Variants in COL27A1 observed in about 807,000 individuals in gnomAD.
COL27A1 encodes collagen alpha-1(XXVII) chain.
In COL27A1, 106 loss-of-function variants were observed where a neutral mutation model predicts 251.3. That is an observed-to-expected ratio of 0.42 (90% confidence interval 0.36 to 0.50). The LOEUF (loss-of-function observed/expected upper bound fraction) is 0.50, where lower values mean the gene tolerates loss of function less well. Ranked by LOEUF, COL27A1 falls within the 20% of genes least tolerant of loss-of-function variation. The pLI is 0.00. For synonymous variants in COL27A1, 1,000 were observed against 986.3 expected (o/e 1.01, Z -0.26); for missense variants, 2,325 against 2,522.8 (o/e 0.92, Z 1.68).
intron 3 of COL27A1, among the ~76,000 whole-genome samples, chr9:114,173,733 A>G (rs1349568698): frequency 3.9e-5 from 6 of 151,962 alleles, no homozygotes; most frequent in African/African-American, 1.5e-4. Context: ...AGCACATATG[A>G]AACCTGGGTC....
chr9:114,266,479 G>A (rs962315055), intron 32 of COL27A1, 86 bp from the exon 33 acceptor site: 4 of 1,164,558 alleles, frequency 3.4e-6, no homozygotes, highest in Admixed American at 1.9e-5. Context: ...AGTTCTGGGG[G>A]TCAGCTCCCT....
rs565202467 is a variant in COL27A1 at position 114,257,799 on chromosome 9, T to G, written c.3142-742T>G. ...CTGGGAGAAAATATTCAGGAAAATA[T>G]TGGGTGTCAGGGTGGAGGTGAGGGA... On this transcript the variant is annotated intron_variant, in intron 27 of 60. Coordinates refer to ENST00000356083, the MANE Select transcript of COL27A1 (RefSeq NM_032888.4). 8.9e-4 allele frequency among the ~76,000 whole-genome samples: 135 copies of G among 152,234 alleles called. 1 individual carries two copies. Among genetic ancestry groups the G allele is most frequent in the African/African-American group, 3.2e-3 (131 of 41,534 alleles).
chr9:114,214,707 C>T lies in COL27A1; in HGVS notation c.2367+3681C>T, dbSNP rs979492827. Reference sequence around the variant, plus strand: ...GGTACTCTCCACATGGCTCCCTCTTCTCTCTGCTCCCATCTTCAACCTCCA... The same window carrying T: ...GGTACTCTCCACATGGCTCCCTCTTTTCTCTGCTCCCATCTTCAACCTCCA... On this transcript the variant is annotated intron_variant, in intron 12 of 60. Transcript: ENST00000356083. Among the ~76,000 whole-genome samples, 299 of 152,382 alleles carry T rather than the reference C, an allele frequency of 2.0e-3. 4 individuals are homozygous for T. Among genetic ancestry groups the T allele is most frequent in the Non-Finnish European group, 2.8e-4 (19 of 68,044 alleles).
At chr9:114,259,492 T>C (rs554130036) in intron 28 of COL27A1, among the ~76,000 whole-genome samples, 53 of 152,290 alleles carry the variant, frequency 3.5e-4, no homozygotes, top group African/African-American at 1.2e-3. Context: ...TTAACCTTTC[T>C]CCCAGAAAGC....
chr9:114,270,429 C>T (rs1184362581), intron 35 of COL27A1, among the ~76,000 whole-genome samples: 1 of 152,222 alleles, frequency 6.6e-6, no homozygotes, highest in Non-Finnish European at 1.5e-5. Flanking sequence ...CAAGCACCTT[C>T]TAAATTCGTG....
In COL27A1 at chr9:114,167,884, A is replaced by T. The variant is rs1401578314; in HGVS notation, c.329A>T (p.Asn110Ile). 3 of 1,613,180 alleles carry T rather than the reference A, an allele frequency of 1.9e-6. No homozygotes were observed. The African/African-American group carries it at 4.0e-5, about 22-fold the overall frequency. ...LVLSLCSHRV[N>I]HAFLFAVRSQ... is the part of the protein sequence containing the mutation. Reference sequence around the variant, plus strand: ...CTGAGCCTCTGCTCCCACCGGGTGAACCATGCCTTCCTCTTCGCTGTCCGC... The same window carrying T: ...CTGAGCCTCTGCTCCCACCGGGTGATCCATGCCTTCCTCTTCGCTGTCCGC... The change falls in exon 3 of 61, where the codon AAC (asparagine) becomes ATC (isoleucine). Residue 110 changes from asparagine to isoleucine, a missense_variant. By Grantham distance (149) the Asn-to-Ile change is moderately radical. This residue lies in a region of COL27A1 where 1,183 missense variants were observed against 1,144.1 expected (regional missense o/e 1.03). Transcript: ENST00000356083.
Position 114,182,989 on chromosome 9 carries a change from C to T in COL27A1, c.1963-33C>T, listed in dbSNP as rs549687761. 13 of 1,605,292 alleles carry T rather than the reference C, an allele frequency of 8.1e-6. No individual in the cohort carries two copies. The African/African-American group carries it at 1.6e-4, about 20-fold the overall frequency. ...GCGAGATGGCCCCTGTTTTTTGTCA[C>T]CTTTTTTTGTTTTTGTTCCTTGTCT... is the stretch of plus-strand genomic sequence containing the variant. On this transcript the variant is annotated intron_variant, in intron 4 of 60. Transcript: ENST00000356083.
In COL27A1 at chr9:114,250,597, C is replaced by T. The variant is rs776215084; in HGVS notation, c.2980-18C>T. 43 of 1,609,760 alleles carry T rather than the reference C, an allele frequency of 2.7e-5. No individual in the cohort carries two copies. The highest frequency in any genetic ancestry group is 2.0e-4 in the Admixed American group (12 of 59,880). Reference sequence around the variant, plus strand: ...GGATTCACGTTGTTTCTCTTGCTTTCGGGAATGTGTCTCATAGGGATTTAT... The same window carrying T: ...GGATTCACGTTGTTTCTCTTGCTTTTGGGAATGTGTCTCATAGGGATTTAT... On this transcript the variant is annotated intron_variant, in intron 24 of 60. Transcript: ENST00000356083.
chr9:114,223,471 C>T, intron 14 of COL27A1, among the ~76,000 whole-genome samples: 2 of 152,200 alleles, frequency 1.3e-5, no homozygotes, highest in East Asian at 3.9e-4. Context: ...GGGAGCAGAA[C>T]CTGGGTGGGG....
chr9:114,189,043 TA>T (rs1358368889), intron 5 of COL27A1, among the ~76,000 whole-genome samples: 5 of 152,048 alleles, frequency 3.3e-5, no homozygotes, highest in Admixed American at 6.6e-5. Context: ...TGTTATCCTT[TA>T]AAAAAAATAA....
intron 4 of COL27A1, 111 bp from the exon 5 acceptor site, chr9:114,182,911 G>A (rs1828042570): frequency 1.1e-6 from 1 of 930,678 alleles, no homozygotes. Flanking sequence ...GCTTGGCTTG[G>A]GGAGAAGATA....
At chr9:114,306,950 C>T in intron 58 of COL27A1, 1 of 421,970 alleles carries the variant, frequency 2.4e-6, no homozygotes, top group Non-Finnish European at 4.3e-6. Context: ...CCCTGGGGCC[C>T]ATCCTGTCAC....
At chr9:114,191,119 A>G (rs575597597) in intron 5 of COL27A1, among the ~76,000 whole-genome samples, 1 of 152,268 alleles carries the variant, frequency 6.6e-6, no homozygotes, top group South Asian at 2.1e-4. Flanking sequence ...ACCTCCGTCT[A>G]GGTGAAGTTC....
At chr9:114,196,588 A>G (rs1388100039) in intron 7 of COL27A1, among the ~76,000 whole-genome samples, 2 of 152,198 alleles carry the variant, frequency 1.3e-5, no homozygotes, top group Non-Finnish European at 2.9e-5. Flanking sequence ...TGGGCAAGTC[A>G]GTGAGCTCTC....
intron 25 of COL27A1, among the ~76,000 whole-genome samples, chr9:114,251,809 C>T (rs970096178): frequency 1.3e-5 from 2 of 152,248 alleles, no homozygotes; most frequent in African/African-American, 4.8e-5. Flanking sequence ...CTTTCCCTGA[C>T]CGGCTCTGCC....
At chr9:114,241,482 A>C (rs2135480236) in intron 21 of COL27A1, among the ~76,000 whole-genome samples, 1 of 152,246 alleles carries the variant, frequency 6.6e-6, no homozygotes, top group African/African-American at 2.4e-5. Flanking sequence ...TGCCAGAAGG[A>C]GCCAATTAGG....
rs138043453 is a variant in COL27A1 at position 114,236,963 on chromosome 9, G to C, written c.2620-18G>C. 1.9e-3 allele frequency: 2,992 copies of C among 1,613,252 alleles called. 11 individuals are homozygous for C. The highest frequency in any genetic ancestry group is 0.011 in the Middle Eastern group (66 of 6,052). ...TTCTCTTCCTCACTAACCCCAGCCT[G>C]CTCTGGATCTCTTCCAGGGGAGCCA... On this transcript the variant is annotated intron_variant, in intron 17 of 60. Coordinates refer to ENST00000356083, the MANE Select transcript of COL27A1 (RefSeq NM_032888.4).
intron 7 of COL27A1, among the ~76,000 whole-genome samples, chr9:114,198,094 G>A (rs1829285091): frequency 6.6e-6 from 1 of 152,252 alleles, no homozygotes; most frequent in South Asian, 2.1e-4. Context: ...GGGGAGAAGG[G>A]AAGTGAGTGG....
In COL27A1 at chr9:114,288,439, G is replaced by C; in HGVS notation, c.3988-16G>C. 6.2e-7 allele frequency: 1 copy of C among 1,609,032 alleles called. No individual in the cohort carries two copies. The highest frequency in any genetic ancestry group is 8.5e-7 in the Non-Finnish European group (1 of 1,178,500). ...GGAGCAGGCGGTTTGCCCTAAAGCT[G>C]GTTCTGTGTCCACAGGGGGAGCAGG... On this transcript the variant is annotated splice_polypyrimidine_tract_variant and intron_variant, in intron 41 of 60. Coordinates refer to ENST00000356083, the MANE Select transcript of COL27A1 (RefSeq NM_032888.4).
Sources: allele counts gnomAD v4.1 joint callset (sites outside exome capture counted in the v4.1 genomes callset), GRCh38; gene constraint gnomAD v4.1.1; regional missense constraint gnomAD v4.1.1; transcripts MANE v1.5; gene names NCBI Gene and HGNC (gene_info 2026-07-23, HGNC 2026-07-21).